The following ZZEF1 variants were observed in gnomAD, a reference collection of about 807,000 sequenced individuals.
The protein encoded by ZZEF1 is zinc finger ZZ-type and EF-hand domain containing 1, also known as zinc finger ZZ-type and EF-hand domain-containing protein 1.
A neutral mutation model predicts 342.8 loss-of-function variants in ZZEF1; 157 were observed. The ratio of observed to expected loss-of-function variants is 0.46; its 90% confidence interval spans 0.40 to 0.52. The LOEUF (loss-of-function observed/expected upper bound fraction) is 0.52, where lower values mean the gene tolerates loss of function less well. ZZEF1 is among the 20% of genes least tolerant of loss of function. The pLI, the probability that ZZEF1 is intolerant of heterozygous loss-of-function variation, is 0.00. For missense variants in ZZEF1, 3,480 were observed against 3,725.6 expected (o/e 0.93, Z 1.72); for synonymous variants, 1,505 against 1,429.1 (o/e 1.05, Z -1.20).
chr17:4,098,174 G>C (rs1002189142), intron 9 of ZZEF1, among the ~76,000 whole-genome samples: 1 of 149,912 alleles, frequency 6.7e-6, no homozygotes, highest in Non-Finnish European at 1.5e-5. Flanking sequence ...GGAGGCGGAG[G>C]ATGCAGTAAG....
At chr17:4,122,564 G>C (rs1341184858) in intron 2 of ZZEF1, among the ~76,000 whole-genome samples, 1 of 152,052 alleles carries the variant, frequency 6.6e-6, no homozygotes, top group Non-Finnish European at 1.5e-5. Context: ...ATTTTTAGTA[G>C]AGACGGAGTT....
intron 15 of ZZEF1, among the ~76,000 whole-genome samples, 190 bp from the exon 16 acceptor site, chr17:4,085,993 C>T (rs190636754): frequency 4.6e-5 from 7 of 152,162 alleles, no homozygotes; most frequent in Non-Finnish European, 5.9e-5. Context: ...AAACAAAGAC[C>T]GTATGTATCA....
chr17:4,139,791 T>C (rs1301026882), intron 1 of ZZEF1, among the ~76,000 whole-genome samples: 1 of 152,234 alleles, frequency 6.6e-6, no homozygotes, highest in Non-Finnish European at 1.5e-5. Flanking sequence ...GCTATGTGAA[T>C]CAAAGACTGC....
chr17:4,099,075 C>A (rs557507097), intron 9 of ZZEF1, among the ~76,000 whole-genome samples: 1 of 152,114 alleles, frequency 6.6e-6, no homozygotes, highest in South Asian at 2.1e-4. Flanking sequence ...TCAACAGAAT[C>A]GGATAGACTC....
intron 32 of ZZEF1, chr17:4,056,855 T>TC (rs2057172133): frequency 6.6e-6 from 1 of 152,150 alleles, no homozygotes; most frequent in African/African-American, 2.4e-5. Context: ...TCAGGTGCAT[T>TC]CAGGGTGGTA....
In ZZEF1 at chr17:4,049,633, G is replaced by T. The variant is rs1266960313; in HGVS notation, c.6015+75C>A. 10 of 1,566,120 alleles carry T rather than the reference G, an allele frequency of 6.4e-6. No individual in the cohort carries two copies. The African/African-American group carries it at 1.4e-4, about 21-fold the overall frequency. On this transcript the variant is annotated intron_variant, in intron 37 of 54. Coordinates refer to ENST00000381638, the MANE Select transcript of ZZEF1 (RefSeq NM_015113.4). ...AGGAGTCTGTGCTCTTAACCTCTCTGCTATGCTGCACTGAGTGAATGGCTC... is the reference window on the plus strand; with the variant it reads ...AGGAGTCTGTGCTCTTAACCTCTCTTCTATGCTGCACTGAGTGAATGGCTC...
rs755828748 is a variant in ZZEF1 at position 4,014,503 on chromosome 17, T to C, written c.8158A>G (p.Ile2720Val). The change falls in exon 50 of 55, where the codon ATT (isoleucine) becomes GTT (valine). Residue 2720 changes from isoleucine (I) to valine (V), a missense_variant. Transcript: ENST00000381638. This position sits in a 1 kb window ranked among gnomAD's most constrained non-coding sequence, Gnocchi z 4.4. ...NNTNFEDKVH[I>V]PGAIYLSIKF... ...ATTGAGAGGTAGATGGCACCAGGAA[T>C]GTGAACTTTATCCTAGGGAGGGGAA... is the stretch of plus-strand genomic sequence containing the variant. 6.2e-6 allele frequency: 10 copies of C among 1,614,186 alleles called. No individual in the cohort carries two copies. The highest frequency in any genetic ancestry group is 5.5e-5 in the South Asian group (5 of 91,088).
intron 1 of ZZEF1, 52 bp from the exon 2 acceptor site, chr17:4,124,103 C>T (rs748766329): frequency 2.0e-6 from 3 of 1,526,434 alleles, no homozygotes; most frequent in Non-Finnish European, 1.8e-6. Flanking sequence ...TAAACGAGGG[C>T]AGTTTCAAGT....
At chr17:4,009,947 G>A (rs2055902990) in intron 52 of ZZEF1, among the ~76,000 whole-genome samples, 190 bp from the exon 53 acceptor site, 1 of 152,180 alleles carries the variant, frequency 6.6e-6, no homozygotes, top group African/African-American at 2.4e-5. Flanking sequence ...AAGGAAAGGG[G>A]CAGAACCTAA....
intron 37 of ZZEF1, among the ~76,000 whole-genome samples, chr17:4,049,053 A>G (rs945218187): frequency 4.6e-5 from 7 of 152,020 alleles, no homozygotes; most frequent in Admixed American, 2.6e-4. Context: ...AATTCTTATA[A>G]AAACTACCAG....
intron 45 of ZZEF1, chr17:4,019,998 A>C: frequency 2.4e-6 from 1 of 425,176 alleles, no homozygotes; most frequent in Non-Finnish European, 4.1e-6. Flanking sequence ...AAACACTAAA[A>C]CCCCAAAGAA....
Position 4,070,790 on chromosome 17 carries a change from T to C in ZZEF1, c.3969A>G (p.Pro1323=). 3 of 1,614,178 alleles carry C rather than the reference T, an allele frequency of 1.9e-6. No individual in the cohort carries two copies. Among genetic ancestry groups the C allele is most frequent in the Non-Finnish European group, 2.5e-6 (3 of 1,180,048 alleles). ...GFIQACRKQA[P]KTDIVAGSTI... Reference sequence around the variant, plus strand: ...TGGAACCAGCAACTATATCTGTCTTTGGGGCCTGTTTTCTACATGCCTGTA... The same window carrying C: ...TGGAACCAGCAACTATATCTGTCTTCGGGGCCTGTTTTCTACATGCCTGTA... Residue 1323 remains proline, a synonymous_variant, in exon 26 of 55, where the codon CCA becomes CCG. Transcript: ENST00000381638.
chr17:4,142,465 C>A (rs1425270382), intron 1 of ZZEF1, 77 bp downstream of exon 1: 1 of 1,490,216 alleles, frequency 6.7e-7, no homozygotes, highest in South Asian at 1.2e-5. Flanking sequence ...CTCTCCAAAG[C>A]AAATGCCCAC....
intron 2 of ZZEF1, among the ~76,000 whole-genome samples, chr17:4,120,744 C>T (rs2058469547): frequency 6.6e-6 from 1 of 152,174 alleles, no homozygotes; most frequent in African/African-American, 2.4e-5. Context: ...AGTTCAAGAC[C>T]AGACTGGGCA....
At position 4,105,767 on chromosome 17, in the gene ZZEF1, T is replaced by G; in HGVS notation, c.1320A>C (p.Gly440=). ...AGAGGAAAGTTGAGAAATCTGTAGA[T>G]CCTGGTGAGAGAGAGAGTGGAGGCA... ...RHMPPLSLSP[G]STDFSTFLSP... is the part of the protein sequence containing the mutation. The change falls in exon 7 of 55, where the codon GGA becomes GGC. Residue 440 remains glycine, a synonymous_variant. Coordinates refer to ENST00000381638, the MANE Select transcript of ZZEF1 (RefSeq NM_015113.4). 6.2e-7 allele frequency: 1 copy of G among 1,613,418 alleles called. No individual in the cohort carries two copies. The highest frequency in any genetic ancestry group is 8.5e-7 in the Non-Finnish European group (1 of 1,179,738).
At position 4,014,539 on chromosome 17, in the gene ZZEF1, C is replaced by A. The variant is rs905011459; in HGVS notation, c.8146-24G>T. ...TCCTAGGGAGGGGAAATGGAGAACA[C>A]ATCTGTCGATGCTGCTCACTAGACA... On this transcript the variant is annotated intron_variant, in intron 49 of 54. Coordinates refer to ENST00000381638, the MANE Select transcript of ZZEF1 (RefSeq NM_015113.4). This position sits in a 1 kb window ranked among gnomAD's most constrained non-coding sequence, Gnocchi z 4.4. 14 of 1,613,112 alleles carry A rather than the reference C, an allele frequency of 8.7e-6. No homozygotes were observed. Among genetic ancestry groups the A allele is most frequent in the African/African-American group, 1.3e-5 (1 of 74,928 alleles).
intron 43 of ZZEF1, among the ~76,000 whole-genome samples, chr17:4,024,186 G>GTTTTTTTTTTTTTTTTTTTTT (rs754985234): frequency 3.2e-5 from 3 of 94,408 alleles, no homozygotes; most frequent in African/African-American, 8.1e-5. Flanking sequence ...TATTGCCCAG[G>GTTTTTTTTTTTTTTTTTTTTT]TTTTTTTTTT....
At position 4,076,778 on chromosome 17, in the gene ZZEF1, A is replaced by G; in HGVS notation, c.3112-19T>C. ...AGATAACCTAATGGAAGATGGATGA[A>G]GCACTCAGCGTCCACCTTAGGCTGG... On this transcript the variant is annotated intron_variant, in intron 20 of 54. Transcript: ENST00000381638. 1 of 1,607,452 alleles carries G rather than the reference A, an allele frequency of 6.2e-7. No individual in the cohort carries two copies. The highest frequency in any genetic ancestry group is 8.5e-7 in the Non-Finnish European group (1 of 1,174,696).
At chr17:4,112,989 T>C (rs1290231584) in intron 4 of ZZEF1, among the ~76,000 whole-genome samples, 181 bp from the exon 5 acceptor site, 1 of 152,224 alleles carries the variant, frequency 6.6e-6, no homozygotes, top group Non-Finnish European at 1.5e-5. Flanking sequence ...CCTTCCCACA[T>C]TTTTTAAAGA....
Sources: allele counts gnomAD v4.1 joint callset (sites outside exome capture counted in the v4.1 genomes callset), GRCh38; gene constraint gnomAD v4.1.1; non-coding constraint Gnocchi (gnomAD v3.1); transcripts MANE v1.5; gene names NCBI Gene and HGNC (gene_info 2026-07-23, HGNC 2026-07-21).